The following EYS variants were observed in gnomAD, a reference collection of about 807,000 sequenced individuals.
EYS encodes the protein protein eyes shut homolog.
A neutral mutation model predicts 282.1 loss-of-function variants in EYS; 250 were observed. The ratio of observed to expected loss-of-function variants is 0.89; its 90% CI spans 0.80 to 0.98. The LOEUF (loss-of-function observed/expected upper bound fraction) is 0.98. Ranked by LOEUF, EYS falls within the 50% of genes least tolerant of loss-of-function variation. The pLI, the probability that EYS is intolerant of heterozygous loss-of-function variation, is 0.00. For missense variants in EYS, 4,016 were observed against 3,709.0 expected (o/e 1.08, Z -2.15); for synonymous variants, 1,355 against 1,282.9 (o/e 1.06, Z -1.20).
In EYS at chr6:63,788,988, A is replaced by G. The variant is rs976106887; in HGVS notation, c.7578+70T>C. On this transcript the variant is annotated intron_variant, in intron 38 of 42. Coordinates refer to ENST00000503581, the MANE Select transcript of EYS (RefSeq NM_001142800.2). ...GGCATCATGGGCTATTCACCTCTGTATCTTAGCACAGATCTGACAATATAC... is the reference window on the plus strand; with the variant it reads ...GGCATCATGGGCTATTCACCTCTGTGTCTTAGCACAGATCTGACAATATAC... 21 of 1,472,328 alleles carry G rather than the reference A, an allele frequency of 1.4e-5. No homozygotes were observed. In the African/African-American group the frequency reaches 1.8e-4, roughly 13 times the overall value. 91.2% of individuals were successfully genotyped at this position (1,472,328 alleles called of 1,614,324 possible). A position where few individuals can be genotyped will look rare whatever the true frequency, so the allele number is the denominator to read the frequency against.
chr6:64,251,596 G>T (rs1193135452), intron 30 of EYS, among the ~76,000 whole-genome samples: 1 of 152,076 alleles, frequency 6.6e-6, no homozygotes, highest in Non-Finnish European at 1.5e-5. Context: ...CAGCTATGTG[G>T]TTCTCCCAAC....
At chr6:63,990,502 T>C (rs947825651) in intron 34 of EYS, among the ~76,000 whole-genome samples, 3 of 151,780 alleles carry the variant, frequency 2.0e-5, no homozygotes, top group African/African-American at 7.2e-5. Flanking sequence ...TGCAGACTCT[T>C]TGGGGAGCTG....
At chr6:64,359,644 C>T (rs1016135194) in intron 29 of EYS, among the ~76,000 whole-genome samples, 3 of 151,652 alleles carry the variant, frequency 2.0e-5, no homozygotes, top group African/African-American at 7.3e-5. Context: ...ATTGGGGTGC[C>T]AGTGAATTCG....
chr6:65,612,124 A>G (rs753925685), intron 2 of EYS, among the ~76,000 whole-genome samples: 44 of 151,664 alleles, frequency 2.9e-4, no homozygotes, highest in Admixed American at 5.9e-4. Flanking sequence ...AGCATTTTAG[A>G]CAGCTAACAG....
At chr6:64,485,280 T>C (rs1490283860) in intron 26 of EYS, among the ~76,000 whole-genome samples, 1 of 151,538 alleles carries the variant, frequency 6.6e-6, no homozygotes, top group Non-Finnish European at 1.5e-5. Flanking sequence ...ATGTATTTAG[T>C]AGCCCATGAC....
At chr6:63,951,753 A>T (rs1765604856) in intron 35 of EYS, among the ~76,000 whole-genome samples, 1 of 142,536 alleles carries the variant, frequency 7.0e-6, no homozygotes. Flanking sequence ...AGCTAAAGGT[A>T]TACTCAAGGT....
rs138075923 is a variant in EYS at position 64,279,065 on chromosome 6, C to A, written c.6191+27905G>T. Among the ~76,000 whole-genome samples the A allele has an allele frequency of 2.3e-3, 355 of 152,250 alleles. 6 individuals carry two copies. Among genetic ancestry groups the A allele is most frequent in the Admixed American group, 0.02 (303 of 15,282 alleles). ...CAAAAACATGCTGCCATCTTCCAAC[C>A]CTTTTTGTTTGCCTTTTAATTTTCC... is the stretch of plus-strand genomic sequence containing the variant. On this transcript the variant is annotated intron_variant, in intron 30 of 42. Coordinates refer to ENST00000503581, the MANE Select transcript of EYS (RefSeq NM_001142800.2).
intron 30 of EYS, among the ~76,000 whole-genome samples, chr6:64,284,961 G>A (rs915533926): frequency 1.3e-5 from 2 of 152,188 alleles, no homozygotes; most frequent in Non-Finnish European, 2.9e-5. Flanking sequence ...GGGAGAGGCT[G>A]CTGCAAAGAT....
intron 22 of EYS, among the ~76,000 whole-genome samples, chr6:64,726,436 A>G (rs80276803): frequency 0.025 from 3,860 of 152,220 alleles, 120 homozygotes; most frequent in East Asian, 0.14. Context: ...TGCAAACATG[A>G]TCTATGTATC....
At chr6:64,275,619 T>C (rs1234859615) in intron 30 of EYS, among the ~76,000 whole-genome samples, 1 of 151,008 alleles carries the variant, frequency 6.6e-6, no homozygotes, top group African/African-American at 2.4e-5. Flanking sequence ...GGTTTCACCG[T>C]GTTAGCCAGG....
intron 19 of EYS, among the ~76,000 whole-genome samples, chr6:64,860,693 T>C (rs1766207743): frequency 6.6e-6 from 1 of 152,126 alleles, no homozygotes; most frequent in African/African-American, 2.4e-5. Flanking sequence ...GCAAGGGGTG[T>C]TTTTCAGCCC....
chr6:65,578,361 G>A (rs1004519192), intron 2 of EYS, among the ~76,000 whole-genome samples: 13 of 151,882 alleles, frequency 8.6e-5, no homozygotes, highest in African/African-American at 3.1e-4. Flanking sequence ...CTACTTACAT[G>A]TGAAAACTAA....
intron 26 of EYS, among the ~76,000 whole-genome samples, chr6:64,588,396 C>T (rs1766299461): frequency 6.6e-6 from 1 of 152,090 alleles, no homozygotes; most frequent in African/African-American, 2.4e-5. Context: ...ATTCAAAGGA[C>T]TGGCTTTAGC....
chr6:64,929,697 G>T (rs944623936), intron 15 of EYS, among the ~76,000 whole-genome samples: 4 of 152,106 alleles, frequency 2.6e-5, no homozygotes, highest in African/African-American at 9.7e-5. Flanking sequence ...CTTTTCCAGT[G>T]AGAAAATAAT....
In EYS at chr6:65,072,801, G is replaced by A. The variant is rs547881534; in HGVS notation, c.2024-15074C>T. On this transcript the variant is annotated intron_variant, in intron 12 of 42. Coordinates refer to ENST00000503581, the MANE Select transcript of EYS (RefSeq NM_001142800.2). Reference sequence around the variant, plus strand: ...AAGGATACATACAATAATTACGTAAGATAATTATTTGAAAAAAATCAAGTA... The same window carrying A: ...AAGGATACATACAATAATTACGTAAAATAATTATTTGAAAAAAATCAAGTA... 1.6e-4 allele frequency among the ~76,000 whole-genome samples: 24 copies of A among 151,156 alleles called. No individual in the cohort carries two copies. In the South Asian group the frequency reaches 4.8e-3, roughly 30 times the overall value.
chr6:63,778,092 G>T lies in EYS; in HGVS notation c.7812C>A (p.Arg2604=). ...GAGAAGCATGACACTGGCCAACACT[G>T]CGTCCAGCATTTGGGTGGCCCTCAG... ...GNPEGHPNAG[R]SVGQCHASPC... The change falls in exon 40 of 43, where the codon CGC becomes CGA. Residue 2604 remains arginine (R), a synonymous_variant. Transcript: ENST00000503581. The T allele has an allele frequency of 1.3e-6, 2 of 1,551,724 alleles. No homozygotes were observed. Among genetic ancestry groups the T allele is most frequent in the Non-Finnish European group, 1.7e-6 (2 of 1,146,936 alleles).
intron 31 of EYS, among the ~76,000 whole-genome samples, chr6:64,175,626 A>G (rs912410830): frequency 1.3e-5 from 2 of 152,200 alleles, no homozygotes; most frequent in Non-Finnish European, 2.9e-5. Flanking sequence ...CATAAAGAAC[A>G]CTGGGGCATC....
At chr6:65,145,570 G>T (rs1764457793) in intron 12 of EYS, among the ~76,000 whole-genome samples, 7 of 151,306 alleles carry the variant, frequency 4.6e-5, no homozygotes, top group Admixed American at 4.0e-4. Flanking sequence ...TGACAATTCA[G>T]GGATTGGATG....
At chr6:63,824,730 G>C (rs561180419) in intron 36 of EYS, among the ~76,000 whole-genome samples, 1 of 152,164 alleles carries the variant, frequency 6.6e-6, no homozygotes, top group Non-Finnish European at 1.5e-5. Flanking sequence ...TACAGGGGTA[G>C]AGGAAGCAGC....
Sources: allele counts gnomAD v4.1 joint callset (sites outside exome capture counted in the v4.1 genomes callset), GRCh38; gene constraint gnomAD v4.1.1; transcripts MANE v1.5; gene names NCBI Gene and HGNC (gene_info 2026-07-23, HGNC 2026-07-21).